ATXN1: variants seen among roughly 807,000 people sequenced by gnomAD.
The protein encoded by ATXN1 is ataxin 1.
ATXN1 carries 8 observed loss-of-function variants against 56.4 expected under a neutral mutation model. That is an observed-to-expected ratio of 0.14 (90% CI 0.08 to 0.26). The LOEUF (loss-of-function observed/expected upper bound fraction) is 0.26. Among genes scored for constraint, ATXN1 ranks in the 10% least tolerant of loss-of-function variants. The pLI, the probability that ATXN1 is intolerant of heterozygous loss-of-function variation, is 1.00. For missense variants in ATXN1, 987 were observed against 1,106.5 expected, an observed-to-expected ratio of 0.89 and a Z score of 1.53; for synonymous variants, 514 against 494.6, an observed-to-expected ratio of 1.04 and a Z score of -0.52.
intron 6 of ATXN1, among the ~76,000 whole-genome samples, chr6:16,469,101 C>T (rs917530513): frequency 2.6e-5 from 4 of 152,090 alleles, no homozygotes; most frequent in Non-Finnish European, 5.9e-5. Flanking sequence ...ACCGTGGGCA[C>T]CCAATAAATG....
At chr6:16,367,141 C>T (rs558445370) in intron 6 of ATXN1, among the ~76,000 whole-genome samples, 18 of 152,154 alleles carry the variant, frequency 1.2e-4, no homozygotes, top group African/African-American at 4.3e-4. Flanking sequence ...TCTGTGAACC[C>T]GAGTAACCTT....
At chr6:16,413,295 C>T (rs932418783) in intron 6 of ATXN1, among the ~76,000 whole-genome samples, 2 of 151,768 alleles carry the variant, frequency 1.3e-5, no homozygotes, top group African/African-American at 4.8e-5. Flanking sequence ...TTCTTAAATC[C>T]GTGTTCTTCC....
intron 4 of ATXN1, among the ~76,000 whole-genome samples, chr6:16,544,513 G>A (rs1403031521): frequency 6.6e-6 from 1 of 152,204 alleles, no homozygotes; most frequent in African/African-American, 2.4e-5. Context: ...GACAGCTAGA[G>A]GATTTGGGTG....
rs554202420 is a variant in ATXN1 at position 16,311,274 on chromosome 6, A to G, written c.1918-4415T>C. Reference sequence around the variant, plus strand: ...GAGATTAAGTCACTTGCCTAATGTCATAGCTATTAGCTAATGGGTTTAGGA... The same window carrying G: ...GAGATTAAGTCACTTGCCTAATGTCGTAGCTATTAGCTAATGGGTTTAGGA... On this transcript the variant is annotated intron_variant, in intron 7 of 7. Transcript: ENST00000436367. Among the ~76,000 whole-genome samples, 25 of 152,354 alleles carry G rather than the reference A, an allele frequency of 1.6e-4. 1 individual carries two copies. Among genetic ancestry groups the G allele is most frequent in the African/African-American group, 5.8e-4 (24 of 41,594 alleles).
At chr6:16,513,853 G>A (rs1013348594) in intron 5 of ATXN1, among the ~76,000 whole-genome samples, 5 of 152,108 alleles carry the variant, frequency 3.3e-5, no homozygotes, top group Admixed American at 2.6e-4. Flanking sequence ...CTGCCCAGAG[G>A]TGGCTGCTCC....
chr6:16,715,439 A>G (rs986257280), intron 2 of ATXN1, among the ~76,000 whole-genome samples: 2 of 152,204 alleles, frequency 1.3e-5, no homozygotes, highest in Non-Finnish European at 2.9e-5. Context: ...TACTGCCATC[A>G]ACGGCAGTGG....
At chr6:16,386,858 G>A (rs1488987371) in intron 6 of ATXN1, among the ~76,000 whole-genome samples, 6 of 152,174 alleles carry the variant, frequency 3.9e-5, no homozygotes, top group Non-Finnish European at 7.3e-5. Context: ...TTTTAAAGGA[G>A]ACGGGGTTTC....
At chr6:16,361,894 C>T (rs777719997) in intron 6 of ATXN1, among the ~76,000 whole-genome samples, 4 of 152,172 alleles carry the variant, frequency 2.6e-5, no homozygotes, top group Non-Finnish European at 4.4e-5. Flanking sequence ...AATGCTTCAC[C>T]TTCTTGAGGC....
At chr6:16,630,345 C>T (rs935789802) in intron 3 of ATXN1, among the ~76,000 whole-genome samples, 1 of 152,232 alleles carries the variant, frequency 6.6e-6, no homozygotes, top group Non-Finnish European at 1.5e-5. Context: ...GGTCCATTTA[C>T]AGAACCAGCC....
chr6:16,733,818 G>A (rs530926914), intron 2 of ATXN1, among the ~76,000 whole-genome samples: 1 of 152,340 alleles, frequency 6.6e-6, no homozygotes, highest in African/African-American at 2.4e-5. Flanking sequence ...TTGCACTCCA[G>A]CCTGGGCAAC....
chr6:16,707,147 C>T (rs1759426384), intron 2 of ATXN1, among the ~76,000 whole-genome samples: 1 of 152,008 alleles, frequency 6.6e-6, no homozygotes, highest in Non-Finnish European at 1.5e-5. Context: ...GCACTTGAGA[C>T]AGAAATGTGG....
chr6:16,463,376 G>A (rs569179920), intron 6 of ATXN1, among the ~76,000 whole-genome samples: 5 of 152,142 alleles, frequency 3.3e-5, no homozygotes, highest in South Asian at 4.1e-4. Flanking sequence ...GCTCAGGTCC[G>A]TCAGTACAGG....
Position 16,635,118 on chromosome 6 carries a change from A to T in ATXN1, c.-489+22658T>A, listed in dbSNP as rs112355979. ...TGCCTCCTGTCAGGTCAGCAACGGCATGAGATTCTCATAGGAGCGTGAACC... is the reference window on the plus strand; with the variant it reads ...TGCCTCCTGTCAGGTCAGCAACGGCTTGAGATTCTCATAGGAGCGTGAACC... On this transcript the variant is annotated intron_variant, in intron 3 of 7. Transcript: ENST00000436367. Among the ~76,000 whole-genome samples, 8 of 152,268 alleles carry T rather than the reference A, an allele frequency of 5.3e-5. 2 individuals carry two copies. The highest frequency in any genetic ancestry group is 1.9e-4 in the African/African-American group (8 of 41,564).
chr6:16,665,613 T>C (rs1435905461), intron 2 of ATXN1, among the ~76,000 whole-genome samples: 1 of 152,224 alleles, frequency 6.6e-6, no homozygotes, highest in Non-Finnish European at 1.5e-5. Context: ...CACAGATCCC[T>C]ACTGGAAGTA....
At chr6:16,347,802 T>C (rs1449345346) in intron 6 of ATXN1, among the ~76,000 whole-genome samples, 1 of 152,232 alleles carries the variant, frequency 6.6e-6, no homozygotes, top group Non-Finnish European at 1.5e-5. Context: ...TAGGGCCAGA[T>C]AAGAGAATAA....
At chr6:16,331,196 T>A (rs1760984154) in intron 6 of ATXN1, among the ~76,000 whole-genome samples, 1 of 152,178 alleles carries the variant, frequency 6.6e-6, no homozygotes, top group South Asian at 2.1e-4. Flanking sequence ...AGGCGGAGTT[T>A]CACCATGTTG....
At chr6:16,495,435 C>A (rs940697764) in intron 5 of ATXN1, among the ~76,000 whole-genome samples, 1 of 152,184 alleles carries the variant, frequency 6.6e-6, no homozygotes, top group Non-Finnish European at 1.5e-5. Context: ...ACACAAGTAA[C>A]AGAATTTACC....
chr6:16,567,359 C>T (rs1762248424), intron 4 of ATXN1, among the ~76,000 whole-genome samples: 1 of 152,124 alleles, frequency 6.6e-6, no homozygotes, highest in African/African-American at 2.4e-5. Context: ...AAGGGAAAGA[C>T]CATTAAACAT....
At chr6:16,668,173 GTTTT>G (rs887946460) in intron 2 of ATXN1, among the ~76,000 whole-genome samples, 2 of 151,906 alleles carry the variant, frequency 1.3e-5, no homozygotes, top group African/African-American at 4.8e-5. Context: ...ACACTGGCAT[GTTTT>G]TTTTGTTTTT....
Sources: gnomAD v4.1 joint callset for allele counts (sites outside exome capture counted in the v4.1 genomes callset) on GRCh38, gnomAD v4.1.1 for gene constraint, MANE v1.5 for transcripts, NCBI Gene and HGNC (gene_info 2026-07-23, HGNC 2026-07-21) for gene names.